The following CCDC102B variants were observed in gnomAD, a reference collection of about 807,000 sequenced individuals.
CCDC102B encodes the protein coiled-coil domain-containing protein 102B.
Under a neutral mutation model 57.4 loss-of-function variants are expected in CCDC102B, and 75 were observed. The ratio of observed to expected loss-of-function variants is 1.31; its 90% CI spans 1.08 to 1.58. CCDC102B has a LOEUF of 1.58. CCDC102B is among the 40% of genes most tolerant of loss of function. CCDC102B has a pLI of 0.00. For missense variants in CCDC102B, 636 were observed against 582.6 expected, an observed-to-expected ratio of 1.09 and a Z score of -0.94; for synonymous variants, 206 against 201.9, an observed-to-expected ratio of 1.02 and a Z score of -0.17.
chr18:68,954,209 C>A (rs1193587445), intron 6 of CCDC102B, among the ~76,000 whole-genome samples: 1 of 152,104 alleles, frequency 6.6e-6, no homozygotes, highest in Non-Finnish European at 1.5e-5. Context: ...CACCTGAGGT[C>A]AGGAGTTTGA....
chr18:68,763,971 T>C (rs1038379358), intron 2 of CCDC102B, among the ~76,000 whole-genome samples: 1 of 152,102 alleles, frequency 6.6e-6, no homozygotes, highest in African/African-American at 2.4e-5. Flanking sequence ...TGCTTTCTAT[T>C]CTCATAGCTT....
chr18:68,921,826 G>A (rs1053233145), intron 6 of CCDC102B, among the ~76,000 whole-genome samples: 18 of 152,156 alleles, frequency 1.2e-4, no homozygotes, highest in African/African-American at 4.1e-4. Context: ...TTGTAGCCAC[G>A]TGAGAGCTAT....
chr18:68,935,452 G>C (rs546514627), intron 6 of CCDC102B, among the ~76,000 whole-genome samples: 1 of 151,902 alleles, frequency 6.6e-6, no homozygotes, highest in African/African-American at 2.4e-5. Flanking sequence ...GTGTTGGTTT[G>C]GTTTGCCTTT....
At chr18:68,997,838 ATC>A (rs537274675) in intron 6 of CCDC102B, among the ~76,000 whole-genome samples, 2,341 of 40,506 alleles carry the variant, frequency 0.058, 34 homozygotes, top group South Asian at 0.22. Context: ...TTTATCATTT[ATC>A]ATTTAATAAT....
At chr18:69,050,040 C>A (rs1163616036) in intron 7 of CCDC102B, among the ~76,000 whole-genome samples, 2 of 134,196 alleles carry the variant, frequency 1.5e-5, no homozygotes, top group African/African-American at 5.1e-5. Context: ...GAACTCCTCA[C>A]TCAAGTGATC....
intron 1 of CCDC102B, chr18:68,716,492 A>C (rs529416339): frequency 6.6e-6 from 1 of 152,374 alleles, no homozygotes; most frequent in South Asian, 2.1e-4. Context: ...GCCTAGTGTG[A>C]TGAAATAACT....
At chr18:68,822,335 A>C (rs2036722615) in intron 1 of CCDC102B, among the ~76,000 whole-genome samples, 1 of 151,996 alleles carries the variant, frequency 6.6e-6, no homozygotes, top group African/African-American at 2.4e-5. Context: ...CGTAGGTTGC[A>C]GTGAGCTGAG....
At chr18:68,790,677 C>A (rs908044406) in intron 2 of CCDC102B, among the ~76,000 whole-genome samples, 6 of 152,316 alleles carry the variant, frequency 3.9e-5, no homozygotes, top group South Asian at 4.1e-4. Flanking sequence ...AATGCCTCGC[C>A]CTGCTTCGGC....
intron 4 of CCDC102B, among the ~76,000 whole-genome samples, chr18:68,860,483 A>AC (rs2038698765): frequency 3.8e-5 from 5 of 131,758 alleles, no homozygotes; most frequent in African/African-American, 1.1e-4. Context: ...AACAAAAAAA[A>AC]AAAAAGACAC....
intron 3 of CCDC102B, among the ~76,000 whole-genome samples, chr18:68,839,784 G>A (rs1458454603): frequency 1.3e-5 from 2 of 152,084 alleles, no homozygotes; most frequent in East Asian, 3.9e-4. Context: ...GGTTGCAAGT[G>A]AACATCTTAA....
chr18:68,917,692 C>T (rs1204026433), intron 6 of CCDC102B, among the ~76,000 whole-genome samples: 1 of 152,150 alleles, frequency 6.6e-6, no homozygotes, highest in Non-Finnish European at 1.5e-5. Context: ...CCCCAGTTAT[C>T]AATCCCCAAT....
rs907171241 is a variant in CCDC102B at position 69,030,811 on chromosome 18, C to T, written c.1434+19707C>T. On this transcript the variant is annotated intron_variant, in intron 7 of 7. Transcript: ENST00000360242. ...CTGGGACTACAGGTGTACACCACCA[C>T]GCCCGGATCATTTTTGTATTTTTAG... Among the ~76,000 whole-genome samples the T allele has an allele frequency of 3.9e-5, 6 of 152,234 alleles. No homozygotes were observed. The East Asian group carries it at 5.8e-4, about 15-fold the overall frequency.
chr18:68,899,701 AT>A (rs945176324), intron 6 of CCDC102B: 1 of 152,174 alleles, frequency 6.6e-6, no homozygotes, highest in African/African-American at 2.4e-5. Context: ...ATTGTAAAAA[AT>A]ATGTTAGGTT....
chr18:69,047,686 G>T (rs558135528), intron 7 of CCDC102B, among the ~76,000 whole-genome samples: 1 of 152,174 alleles, frequency 6.6e-6, no homozygotes, highest in South Asian at 2.1e-4. Flanking sequence ...AACAACTTCA[G>T]CAAAGTTTCA....
At chr18:68,796,787 G>A (rs2035643298), upstream of CCDC102B, among the ~76,000 whole-genome samples, 1 of 150,836 alleles carries the variant, frequency 6.6e-6, no homozygotes, top group Non-Finnish European at 1.5e-5. Context: ...ATGTCAACTA[G>A]AAGGATTGAG....
At chr18:68,963,014 G>T (rs533502490) in intron 6 of CCDC102B, among the ~76,000 whole-genome samples, 1 of 151,626 alleles carries the variant, frequency 6.6e-6, no homozygotes, top group African/African-American at 2.4e-5. Context: ...TTTATTACAC[G>T]GCATCTTTTT....
upstream of CCDC102B, among the ~76,000 whole-genome samples, chr18:68,797,560 GCCAATGTGA>G (rs2035674626): frequency 6.6e-6 from 1 of 151,988 alleles, no homozygotes; most frequent in Non-Finnish European, 1.5e-5. Flanking sequence ...CACAATTCCT[GCCAATGTGA>G]CCACAATCAA....
chr18:68,869,448 G>A (rs905607319), intron 4 of CCDC102B, among the ~76,000 whole-genome samples: 6 of 152,238 alleles, frequency 3.9e-5, no homozygotes, highest in African/African-American at 1.4e-4. Context: ...TTGTGTGGTG[G>A]AAAGTCTGAG....
chr18:69,011,520 T>C (rs533098918), intron 7 of CCDC102B, among the ~76,000 whole-genome samples: 1 of 152,204 alleles, frequency 6.6e-6, no homozygotes, highest in Admixed American at 6.5e-5. Flanking sequence ...CAAATGAATC[T>C]AGGTACTTCA....
Sources: allele counts gnomAD v4.1 joint callset (sites outside exome capture counted in the v4.1 genomes callset), GRCh38; gene constraint gnomAD v4.1.1; transcripts MANE v1.5; gene names NCBI Gene and HGNC (gene_info 2026-07-23, HGNC 2026-07-21).